The following ARHGAP32 variants were observed in gnomAD, a reference collection of about 807,000 sequenced individuals.
ARHGAP32 encodes the protein Rho GTPase activating protein 32, also known as rho GTPase-activating protein 32.
A neutral mutation model predicts 186.5 loss-of-function variants in ARHGAP32; 51 were observed. That is an observed-to-expected ratio of 0.27 (90% CI 0.22 to 0.35). ARHGAP32 has a LOEUF of 0.35. ARHGAP32 is among the 10% of genes least tolerant of loss of function. The pLI is 1.00. For synonymous variants in ARHGAP32, 950 were observed against 964.3 expected, an observed-to-expected ratio of 0.99 and a Z score of 0.27; for missense variants, 2,186 against 2,623.5, an observed-to-expected ratio of 0.83 and a Z score of 3.64.
chr11:129,020,295 T>C (rs1938540497), intron 11 of ARHGAP32, among the ~76,000 whole-genome samples: 1 of 152,094 alleles, frequency 6.6e-6, no homozygotes, highest in Admixed American at 6.6e-5. Flanking sequence ...TTTAACACTT[T>C]TTAAATTAAT....
intron 1 of ARHGAP32, among the ~76,000 whole-genome samples, chr11:129,223,465 C>G (rs776571181): frequency 5.3e-5 from 8 of 152,086 alleles, no homozygotes; most frequent in Non-Finnish European, 8.8e-5. Context: ...GAAATAGACT[C>G]TAGGGAGGGG....
chr11:129,022,153 A>T (rs1938620926), intron 11 of ARHGAP32, among the ~76,000 whole-genome samples: 1 of 152,140 alleles, frequency 6.6e-6, no homozygotes, highest in South Asian at 2.1e-4. Context: ...ATTCAGGTAC[A>T]TCAAAGGTAA....
At position 128,981,266 on chromosome 11, in the gene ARHGAP32, C is replaced by T. The variant is rs557337852; in HGVS notation, c.1780+150G>A. On this transcript the variant is annotated intron_variant, in intron 17 of 22. Transcript: ENST00000682385. Reference sequence around the variant, plus strand: ...CACTATATACACACAAAATAACTGTCAAATTGTGCATTTTGGTAAGCAGCC... The same window carrying T: ...CACTATATACACACAAAATAACTGTTAAATTGTGCATTTTGGTAAGCAGCC... The T allele has an allele frequency of 2.0e-3, 1,519 of 774,982 alleles. 8 individuals carry two copies. Among genetic ancestry groups the T allele is most frequent in the Non-Finnish European group, 2.4e-3 (1,178 of 489,110 alleles). The allele number at this position is 774,982 out of a possible 1,614,324, so 48.0% of individuals were successfully genotyped here. A position where few individuals can be genotyped will look rare whatever the true frequency, so the allele number is the denominator to read the frequency against.
intron 11 of ARHGAP32, among the ~76,000 whole-genome samples, chr11:129,000,034 G>GA (rs575044334): frequency 7.2e-5 from 11 of 151,992 alleles, no homozygotes; most frequent in Non-Finnish European, 1.6e-4. Context: ...GAATATAACT[G>GA]AAAAAAGAAA....
intron 10 of ARHGAP32, among the ~76,000 whole-genome samples, chr11:129,049,282 T>C (rs1461542730): frequency 6.6e-6 from 1 of 152,006 alleles, no homozygotes; most frequent in African/African-American, 2.4e-5. Flanking sequence ...AGTATATGAA[T>C]GTAAACGACA....
intron 1 of ARHGAP32, among the ~76,000 whole-genome samples, chr11:129,213,988 G>A (rs1944613541): frequency 6.6e-6 from 1 of 151,668 alleles, no homozygotes. Context: ...GAGAATTGCA[G>A]ACCCCTCCGG....
At chr11:129,241,409 G>C (rs780768350) in intron 1 of ARHGAP32, among the ~76,000 whole-genome samples, 2 of 152,082 alleles carry the variant, frequency 1.3e-5, no homozygotes, top group Admixed American at 6.6e-5. Context: ...TTGGGAGGCC[G>C]AGGTGGGAGA....
chr11:129,043,032 C>A (rs556226531), intron 10 of ARHGAP32, among the ~76,000 whole-genome samples: 8 of 152,274 alleles, frequency 5.3e-5, no homozygotes, highest in Middle Eastern at 3.4e-3. Flanking sequence ...AAGGTGGTTA[C>A]CAAGGCTGGG....
chr11:128,992,435 C>T (rs952398847), intron 12 of ARHGAP32, among the ~76,000 whole-genome samples: 2 of 151,694 alleles, frequency 1.3e-5, no homozygotes, highest in African/African-American at 4.8e-5. Flanking sequence ...ATCACCACCA[C>T]CACCACCACC....
At chr11:129,087,458 A>G (rs550421468) in intron 6 of ARHGAP32, among the ~76,000 whole-genome samples, 2 of 152,374 alleles carry the variant, frequency 1.3e-5, no homozygotes, top group South Asian at 4.1e-4. Context: ...TAGGAAATTC[A>G]AATGCATATT....
chr11:129,193,743 TATAATAC>T (rs1175586185), upstream of ARHGAP32, among the ~76,000 whole-genome samples: 4 of 105,722 alleles, frequency 3.8e-5, no homozygotes, highest in African/African-American at 1.5e-4. Flanking sequence ...ATATATATTA[TATAATAC>T]ATATAATACA....
intron 9 of ARHGAP32, among the ~76,000 whole-genome samples, chr11:129,063,399 G>A (rs930802515): frequency 4.0e-5 from 6 of 151,856 alleles, no homozygotes. Context: ...TTTATATGTG[G>A]TAGCAAGATG....
intron 12 of ARHGAP32, among the ~76,000 whole-genome samples, chr11:128,997,465 C>T (rs1036277790): frequency 1.3e-5 from 2 of 152,120 alleles, no homozygotes; most frequent in South Asian, 2.1e-4. Flanking sequence ...TCTCAAAAGG[C>T]ACAATGGGTA....
At chr11:129,255,955 C>T (rs1945249061) in intron 1 of ARHGAP32, among the ~76,000 whole-genome samples, 1 of 152,006 alleles carries the variant, frequency 6.6e-6, no homozygotes, top group African/African-American at 2.4e-5. Context: ...CAAATGCCCA[C>T]CAACAGTAGA....
chr11:129,087,627 TATA>T (rs1941445645), intron 6 of ARHGAP32, among the ~76,000 whole-genome samples: 1 of 152,244 alleles, frequency 6.6e-6, no homozygotes, highest in African/African-American at 2.4e-5. Context: ...GGAGGATTTT[TATA>T]ATACTATTCT....
chr11:129,128,697 C>A (rs986406434), intron 2 of ARHGAP32, among the ~76,000 whole-genome samples: 2 of 151,862 alleles, frequency 1.3e-5, no homozygotes, highest in Non-Finnish European at 2.9e-5. Flanking sequence ...GATTCTCCTG[C>A]CTCAGCCTGC....
chr11:128,977,052 G>C (rs1246197936), intron 19 of ARHGAP32, among the ~76,000 whole-genome samples: 1 of 152,198 alleles, frequency 6.6e-6, no homozygotes, highest in African/African-American at 2.4e-5. Flanking sequence ...TGGAGGCAAA[G>C]ATTGGAGGGA....
chr11:129,270,730 TA>T (rs1384367688), intron 1 of ARHGAP32, among the ~76,000 whole-genome samples: 76 of 143,122 alleles, frequency 5.3e-4, no homozygotes, highest in East Asian at 8.0e-4. Context: ...ATAGTCTACT[TA>T]AAAAAAAAAA....
chr11:128,976,870 T>C (rs1229996103), intron 19 of ARHGAP32, among the ~76,000 whole-genome samples: 1 of 152,220 alleles, frequency 6.6e-6, no homozygotes, highest in Non-Finnish European at 1.5e-5. Flanking sequence ...GAAAAATCTC[T>C]TTTCTAAAGG....
Sources: allele counts gnomAD v4.1 joint callset (sites outside exome capture counted in the v4.1 genomes callset), GRCh38; gene constraint gnomAD v4.1.1; transcripts MANE v1.5; gene names NCBI Gene and HGNC (gene_info 2026-07-23, HGNC 2026-07-21).